Variants in ASTN1 observed in about 807,000 individuals in gnomAD.
ASTN1 encodes astrotactin 1.
In ASTN1, 41 loss-of-function variants were observed where a neutral mutation model predicts 140.7. The observed-to-expected ratio is 0.29, with a 90% CI of 0.23 to 0.38. ASTN1 has a LOEUF of 0.38. Ranked by LOEUF, ASTN1 falls within the 10% of genes least tolerant of loss-of-function variation. The pLI, the probability that ASTN1 is intolerant of heterozygous loss-of-function variation, is 1.00. For synonymous variants in ASTN1, 640 were observed against 652.2 expected (o/e 0.98, Z 0.29); for missense variants, 1,479 against 1,678.8 (o/e 0.88, Z 2.08).
At chr1:177,099,473 C>T (rs1357596162) in intron 1 of ASTN1, among the ~76,000 whole-genome samples, 1 of 151,942 alleles carries the variant, frequency 6.6e-6, no homozygotes, top group Non-Finnish European at 1.5e-5. Context: ...TAAGAGATAA[C>T]CACAGGCATT....
At chr1:177,023,271 G>A (rs1571664575) in intron 7 of ASTN1, 133 bp downstream of exon 7, 2 of 1,146,334 alleles carry the variant, frequency 1.7e-6, no homozygotes, top group Non-Finnish European at 2.4e-6. Context: ...ACCACATGCA[G>A]GCAGTCCGCA....
intron 1 of ASTN1, among the ~76,000 whole-genome samples, chr1:177,121,857 C>T (rs980033797): frequency 6.6e-6 from 1 of 152,096 alleles, no homozygotes; most frequent in Admixed American, 6.5e-5. Context: ...CAGAGTGAGG[C>T]TGAGGAAGTA....
At chr1:177,091,078 G>GA (rs1179166220) in intron 1 of ASTN1, among the ~76,000 whole-genome samples, 5 of 151,628 alleles carry the variant, frequency 3.3e-5, no homozygotes, top group Middle Eastern at 3.4e-3. Flanking sequence ...GCTTTCAAAT[G>GA]AAAAAAAATA....
intron 7 of ASTN1, among the ~76,000 whole-genome samples, chr1:177,017,982 C>T (rs955473478): frequency 1.8e-4 from 27 of 152,148 alleles, no homozygotes; most frequent in African/African-American, 6.0e-4. Flanking sequence ...GAGGAAAATG[C>T]AGATTAAGGC....
chr1:176,922,556 C>CAAAA lies in ASTN1; in HGVS notation c.2671+11592_2671+11595dup, dbSNP rs71129589. ...ACAGTGTCCACTCCAGCCCCCACTG[C>CAAAA]AAAAAAAAAAAAAAAAAAAAAAAAA... On this transcript the variant is annotated intron_variant, in intron 16 of 22. Coordinates refer to ENST00000361833, the MANE Select transcript of ASTN1 (RefSeq NM_004319.3). Among the ~76,000 whole-genome samples, 254 of 77,570 alleles carry CAAAA rather than the reference C, an allele frequency of 3.3e-3. 5 individuals are homozygous for CAAAA. The highest frequency in any genetic ancestry group is 0.012 in the African/African-American group (239 of 19,816). The allele number at this position is 77,570 out of a possible 152,430, so 50.9% of individuals were successfully genotyped here.
At chr1:177,152,316 T>C (rs1301288816) in intron 1 of ASTN1, among the ~76,000 whole-genome samples, 1 of 152,116 alleles carries the variant, frequency 6.6e-6, no homozygotes, top group Non-Finnish European at 1.5e-5. Context: ...AGTAAAATGA[T>C]TTCACCAGGT....
chr1:176,983,779 C>T (rs1423328978), intron 8 of ASTN1, among the ~76,000 whole-genome samples: 1 of 152,148 alleles, frequency 6.6e-6, no homozygotes, highest in Admixed American at 6.6e-5. Flanking sequence ...CTGTGCATAC[C>T]AGCCTCTTTC....
chr1:176,894,578 T>C lies in ASTN1; in HGVS notation c.2924A>G (p.Asn975Ser), dbSNP rs1265755786. 6.2e-7 allele frequency: 1 copy of C among 1,614,012 alleles called. No homozygotes were observed. ...KAAPIYELVTNNQTQRLLQEA... is the reference protein window; with the variant it reads ...KAAPIYELVTSNQTQRLLQEA... Reference sequence around the variant, plus strand: ...GCCTCTTACCCTCTGGGTCTGGTTGTTGGTCACTAGTTCATAGATGGGGGC... The same window carrying C: ...GCCTCTTACCCTCTGGGTCTGGTTGCTGGTCACTAGTTCATAGATGGGGGC... The change falls in exon 17 of 23, where the codon AAC becomes AGC. Residue 975 changes from asparagine (N) to serine (S), a missense_variant. By Grantham distance (46) the Asn-to-Ser change is conservative. Around this residue, in one of 3 missense-constraint regions of ASTN1, gnomAD observed 746 missense variants for 800.9 expected, o/e 0.93. Transcript: ENST00000361833.
chr1:176,873,780 T>C (rs960827409), intron 21 of ASTN1, among the ~76,000 whole-genome samples: 4 of 152,132 alleles, frequency 2.6e-5, no homozygotes, highest in African/African-American at 9.7e-5. Flanking sequence ...CAACACTAAA[T>C]TGGCTCTTCT....
At chr1:177,041,222 G>A (rs1290258146) in intron 2 of ASTN1, among the ~76,000 whole-genome samples, 1 of 152,158 alleles carries the variant, frequency 6.6e-6, no homozygotes, top group Non-Finnish European at 1.5e-5. Flanking sequence ...GCTACCTGGG[G>A]AGAGCTCAGG....
intron 7 of ASTN1, among the ~76,000 whole-genome samples, chr1:177,020,181 C>A (rs960609509): frequency 3.9e-5 from 6 of 152,164 alleles, no homozygotes; most frequent in Admixed American, 3.3e-4. Context: ...AGCTGCCACG[C>A]CTGGCCTATC....
At chr1:177,076,300 G>GAAAGAA (rs1174752634) in intron 1 of ASTN1, among the ~76,000 whole-genome samples, 1 of 140,442 alleles carries the variant, frequency 7.1e-6, no homozygotes, top group East Asian at 2.0e-4. Context: ...AAAAAAGAAA[G>GAAAGAA]AAAGAAAAAG....
intron 1 of ASTN1, among the ~76,000 whole-genome samples, chr1:177,117,072 T>G (rs1681124699): frequency 6.6e-6 from 1 of 152,130 alleles, no homozygotes; most frequent in Admixed American, 6.6e-5. Flanking sequence ...GCACCTAAGA[T>G]TCAGCCAGTC....
At chr1:177,029,440 A>T in intron 5 of ASTN1, 194 bp downstream of exon 5, 1 of 758,302 alleles carries the variant, frequency 1.3e-6, no homozygotes, top group Non-Finnish European at 2.5e-6. Flanking sequence ...GGGAGAGATG[A>T]TTCTCTGAAA....
rs537628318 is a variant in ASTN1, at chr1:177,148,802, A to G, written c.283+15592T>C. On this transcript the variant is annotated intron_variant, in intron 1 of 22. Transcript: ENST00000361833. ...ATGATAGAAGTTTCTTGGATTTAAC[A>G]TTAGAGGATCAATGGTGACCTCAGT... Among the ~76,000 whole-genome samples, 16 of 151,990 alleles carry G rather than the reference A, an allele frequency of 1.1e-4. No homozygotes were observed. The South Asian group carries it at 3.3e-3, about 32-fold the overall frequency.
At chr1:177,005,764 C>T (rs147938485) in intron 8 of ASTN1, among the ~76,000 whole-genome samples, 1 of 152,232 alleles carries the variant, frequency 6.6e-6, no homozygotes, top group East Asian at 1.9e-4. Context: ...CCCGCCACCA[C>T]GCCCAGCTAA....
chr1:177,034,031 A>G (rs1443625180), intron 2 of ASTN1, among the ~76,000 whole-genome samples: 4 of 152,122 alleles, frequency 2.6e-5, no homozygotes. Context: ...TTAGGCTTCA[A>G]TCATACCTCC....
intron 16 of ASTN1, among the ~76,000 whole-genome samples, chr1:176,899,688 C>T (rs1669682956): frequency 6.6e-6 from 1 of 152,154 alleles, no homozygotes; most frequent in Admixed American, 6.5e-5. Context: ...TACCCCAACC[C>T]CCACCCCAGT....
intron 8 of ASTN1, among the ~76,000 whole-genome samples, chr1:176,967,451 AT>A (rs1672935939): frequency 6.6e-6 from 1 of 152,152 alleles, no homozygotes; most frequent in African/African-American, 2.4e-5. Context: ...GGGACGTGCA[AT>A]TTTATTTATC....
Sources: gnomAD v4.1 joint callset for allele counts (sites outside exome capture counted in the v4.1 genomes callset) on GRCh38, gnomAD v4.1.1 for gene constraint, gnomAD v4.1.1 regional missense constraint, MANE v1.5 for transcripts, NCBI Gene and HGNC (gene_info 2026-07-23, HGNC 2026-07-21) for gene names.